The following EYS variants were observed in gnomAD, a reference collection of about 807,000 sequenced individuals.
EYS encodes the protein protein eyes shut homolog.
Under a neutral mutation model 282.1 loss-of-function variants are expected in EYS, and 250 were observed. The ratio of observed to expected loss-of-function variants is 0.89; its 90% CI spans 0.80 to 0.98. The LOEUF (loss-of-function observed/expected upper bound fraction) is 0.98, where lower values mean the gene tolerates loss of function less well. Among genes scored for constraint, EYS ranks in the 50% least tolerant of loss-of-function variants. EYS has a pLI of 0.00. For synonymous variants in EYS, 1,355 were observed against 1,282.9 expected (o/e 1.06, Z -1.20); for missense variants, 4,016 against 3,709.0 (o/e 1.08, Z -2.15).
chr6:65,612,804 A>G (rs138395801), intron 2 of EYS, among the ~76,000 whole-genome samples: 16 of 151,780 alleles, frequency 1.1e-4, no homozygotes, highest in African/African-American at 3.9e-4. Context: ...AAATTAAGAT[A>G]GTTTATATTA....
intron 26 of EYS, among the ~76,000 whole-genome samples, chr6:64,532,014 A>G (rs1434078355): frequency 1.3e-5 from 2 of 152,140 alleles, no homozygotes; most frequent in African/African-American, 2.4e-5. Flanking sequence ...AGACAATTCT[A>G]CCAGGCAACC....
chr6:64,539,945 A>G (rs1001704528), intron 26 of EYS, among the ~76,000 whole-genome samples: 2 of 152,172 alleles, frequency 1.3e-5, no homozygotes, highest in Admixed American at 1.3e-4. Flanking sequence ...TTCTGAAATA[A>G]TTGTGTCCTG....
intron 31 of EYS, among the ~76,000 whole-genome samples, chr6:64,154,735 T>A (rs1188171868): frequency 6.7e-6 from 1 of 149,972 alleles, no homozygotes; most frequent in Non-Finnish European, 1.5e-5. Flanking sequence ...TGTCTTTAAG[T>A]AAATATTTTC....
chr6:65,144,488 C>T (rs970663434), intron 12 of EYS, among the ~76,000 whole-genome samples: 8 of 151,988 alleles, frequency 5.3e-5, no homozygotes, highest in African/African-American at 1.7e-4. Context: ...TTTGGTTAAA[C>T]CAGTGATCAG....
At chr6:65,231,161 A>ATATATATACTTT (rs1766772387) in intron 12 of EYS, among the ~76,000 whole-genome samples, 2 of 144,440 alleles carry the variant, frequency 1.4e-5, no homozygotes, top group Admixed American at 7.0e-5. Flanking sequence ...ATATACTTTT[A>ATATATATACTTT]TATATATATT....
At chr6:65,219,544 A>G (rs1180306871) in intron 12 of EYS, among the ~76,000 whole-genome samples, 1 of 152,058 alleles carries the variant, frequency 6.6e-6, no homozygotes, top group Non-Finnish European at 1.5e-5. Flanking sequence ...GTATTAAGAA[A>G]TATACCATGA....
At chr6:64,909,007 A>T (rs1338770204) in intron 16 of EYS, among the ~76,000 whole-genome samples, 1 of 152,136 alleles carries the variant, frequency 6.6e-6, no homozygotes, top group Non-Finnish European at 1.5e-5. Flanking sequence ...TTCACCGGGT[A>T]CCCACCCTTA....
chr6:64,222,837 T>C (rs1264043645), intron 31 of EYS, among the ~76,000 whole-genome samples: 1 of 152,020 alleles, frequency 6.6e-6, no homozygotes, highest in Non-Finnish European at 1.5e-5. Context: ...TGATTACAAA[T>C]TTAAAATACA....
At chr6:64,312,936 CA>C (rs563487344) in intron 29 of EYS, among the ~76,000 whole-genome samples, 43 of 108,884 alleles carry the variant, frequency 3.9e-4, no homozygotes, top group Non-Finnish European at 7.5e-4. Context: ...GAAACCAGTG[CA>C]AAAGGCTGAA....
At chr6:64,821,440 CAAAG>C (rs564459583) in intron 21 of EYS, among the ~76,000 whole-genome samples, 140 of 151,280 alleles carry the variant, frequency 9.3e-4, no homozygotes, top group African/African-American at 3.3e-3. Context: ...CAACAAGAGA[CAAAG>C]AAAGAAAAGG....
At chr6:65,201,229 GA>G (rs71649041) in intron 12 of EYS, among the ~76,000 whole-genome samples, 10,751 of 151,960 alleles carry the variant, frequency 0.071, 431 homozygotes, top group African/African-American at 0.11. Context: ...GCTGGCTGCA[GA>G]AAAAAATATC....
intron 36 of EYS, among the ~76,000 whole-genome samples, chr6:63,819,242 C>T (rs1352560358): frequency 6.6e-6 from 1 of 152,188 alleles, no homozygotes; most frequent in African/African-American, 2.4e-5. Flanking sequence ...CTCGGGGCAA[C>T]ACCTTCAAGC....
At chr6:64,252,701 AT>A (rs1767262064) in intron 30 of EYS, among the ~76,000 whole-genome samples, 1 of 152,082 alleles carries the variant, frequency 6.6e-6, no homozygotes, top group African/African-American at 2.4e-5. Context: ...ATGGATGCTT[AT>A]TTGTACTTTA....
chr6:65,262,621 A>G (rs187047857), intron 12 of EYS, among the ~76,000 whole-genome samples: 66 of 152,246 alleles, frequency 4.3e-4, no homozygotes, highest in African/African-American at 1.5e-3. Flanking sequence ...ATAATATGAT[A>G]TGAAATGATA....
intron 23 of EYS, among the ~76,000 whole-genome samples, chr6:64,623,309 G>A (rs576230031): frequency 1.3e-5 from 2 of 152,060 alleles, no homozygotes; most frequent in Non-Finnish European, 2.9e-5. Flanking sequence ...ATAACATTTT[G>A]GGGGAATATG....
At chr6:65,597,387 C>T (rs1245724702) in intron 2 of EYS, among the ~76,000 whole-genome samples, 1 of 152,024 alleles carries the variant, frequency 6.6e-6, no homozygotes, top group Non-Finnish European at 1.5e-5. Flanking sequence ...AAAGAGTTCA[C>T]AGTAAGCTAC....
At chr6:64,052,639 T>C (rs1291835986) in intron 33 of EYS, among the ~76,000 whole-genome samples, 1 of 152,156 alleles carries the variant, frequency 6.6e-6, no homozygotes, top group African/African-American at 2.4e-5. Flanking sequence ...ATGGTTTGGC[T>C]CTGTGTCTCC....
intron 22 of EYS, among the ~76,000 whole-genome samples, chr6:64,663,538 T>C (rs1409220129): frequency 6.6e-6 from 1 of 152,192 alleles, no homozygotes; most frequent in Non-Finnish European, 1.5e-5. Context: ...TTCGGATCAT[T>C]GTCCTCCCTT....
chr6:64,535,845 A>C (rs543986907), intron 26 of EYS, among the ~76,000 whole-genome samples: 1 of 152,196 alleles, frequency 6.6e-6, no homozygotes, highest in Non-Finnish European at 1.5e-5. Flanking sequence ...TAAGTAGTTA[A>C]CCATTTTTTT....
Sources: gnomAD v4.1 joint callset for allele counts (sites outside exome capture counted in the v4.1 genomes callset) on GRCh38, gnomAD v4.1.1 for gene constraint, MANE v1.5 for transcripts, NCBI Gene and HGNC (gene_info 2026-07-23, HGNC 2026-07-21) for gene names.